The following SHISAL1 variants were observed in gnomAD, a reference collection of about 807,000 sequenced individuals.
The protein encoded by SHISAL1 is shisa like 1, also known as protein shisa-like-1.
Under a neutral mutation model 22.6 loss-of-function variants are expected in SHISAL1, and 9 were observed. That is an observed-to-expected ratio of 0.40 (90% CI 0.24 to 0.70). The LOEUF is 0.70. SHISAL1 is among the 30% of genes least tolerant of loss of function. SHISAL1 has a pLI of 0.39. For synonymous variants in SHISAL1, 119 were observed against 115.4 expected, an observed-to-expected ratio of 1.03 and a Z score of -0.20; for missense variants, 246 against 270.6, an observed-to-expected ratio of 0.91 and a Z score of 0.64.
At chr22:44,284,857 C>A (rs1218775997) in intron 4 of SHISAL1, among the ~76,000 whole-genome samples, 1 of 139,156 alleles carries the variant, frequency 7.2e-6, no homozygotes, top group African/African-American at 2.9e-5. Context: ...GCAGCCACCC[C>A]ACAAGGCCAA....
At chr22:44,322,366 C>G in the SHISAL1 span, among the ~76,000 whole-genome samples, 6 of 152,326 alleles carry the variant, frequency 3.9e-5, no homozygotes, top group African/African-American at 1.4e-4. Context: ...TGCTGCCTCA[C>G]TGCCCCAGGT....
At chr22:44,277,797 A>G (rs965401814) in intron 4 of SHISAL1, among the ~76,000 whole-genome samples, 6 of 152,200 alleles carry the variant, frequency 3.9e-5, no homozygotes, top group Non-Finnish European at 7.3e-5. Context: ...TAGCACAGCC[A>G]TTGCAGGGTG....
Position 44,244,432 on chromosome 22 carries a change from GC to G in SHISAL1, c.*5252del, listed in dbSNP as rs1367231398. The stretch of plus-strand genomic sequence containing the variant: ...CCTCCTGGAGGTGAACCCTGCAGCA[GC>G]CCCGGATTTCAGTCTGTCAAGGGCA... On this transcript the variant is annotated 3_prime_UTR_variant, in exon 5 of 5. Coordinates refer to ENST00000381176, the MANE Select transcript of SHISAL1 (RefSeq NM_001099294.2). 1.3e-5 allele frequency: 2 copies of G among 152,180 alleles called. No homozygotes were observed. The highest frequency in any genetic ancestry group is 2.9e-5 in the Non-Finnish European group (2 of 68,054). The allele number at this position is 152,180 out of a possible 1,614,324, so 9.4% of individuals were successfully genotyped here.
Position 44,306,026 on chromosome 22 carries a change from G to T in SHISAL1, c.-32-5049C>A, listed in dbSNP as rs76267418. Among the ~76,000 whole-genome samples the T allele has an allele frequency of 4.9e-3, 743 of 152,330 alleles. 3 individuals are homozygous for T. Among genetic ancestry groups the T allele is most frequent in the Admixed American group, 9.3e-3 (143 of 15,302 alleles). ...CCTAAGTAAAAATTCCATTTCTAAT[G>T]ATCTGAGACAGCAAAGCTTAGAAGC... On this transcript the variant is annotated intron_variant, in intron 1 of 4. Transcript: ENST00000381176.
the SHISAL1 span, among the ~76,000 whole-genome samples, chr22:44,331,106 G>C: frequency 6.6e-6 from 1 of 151,984 alleles, no homozygotes; most frequent in Non-Finnish European, 1.5e-5. This position sits in a 1 kb window ranked among gnomAD's most constrained non-coding sequence, Gnocchi z 5.2. Context: ...TCCCGGCGCG[G>C]TGCGCCCCGA....
At chr22:44,300,102 GAGAC>G (rs1285909154) in intron 2 of SHISAL1, among the ~76,000 whole-genome samples, 9 of 149,660 alleles carry the variant, frequency 6.0e-5, no homozygotes, top group East Asian at 1.9e-4. Context: ...CAGACACAGA[GAGAC>G]AGACAGAGAG....
At position 44,296,720 on chromosome 22, in the gene SHISAL1, G is replaced by A. The variant is rs1332057185; in HGVS notation, c.233C>T (p.Ala78Val). ...KYCCNETEFQ[A>V]VMQANLTASS... ...GGCCGTGAGGTTCGCCTGCATCACC[G>A]CCTGGAACTCCGTCTCGTTGCAGCA... Residue 78 changes from alanine (A) to valine (V), a missense_variant, in exon 3 of 5, where the codon GCG (alanine) becomes GTG (valine). Ala to Val is a moderately conservative substitution (Grantham distance 64, BLOSUM62 0). Around this residue, in one of 2 missense-constraint regions of SHISAL1, gnomAD observed 110 missense variants for 153.1 expected, o/e 0.72. Coordinates refer to ENST00000381176, the MANE Select transcript of SHISAL1 (RefSeq NM_001099294.2). 3.7e-6 allele frequency: 6 copies of A among 1,613,966 alleles called. No individual in the cohort carries two copies. Among genetic ancestry groups the A allele is most frequent in the Middle Eastern group, 1.7e-4 (1 of 5,986 alleles).
intron 4 of SHISAL1, among the ~76,000 whole-genome samples, chr22:44,261,675 C>T (rs1219267050): frequency 6.6e-6 from 1 of 152,268 alleles, no homozygotes; most frequent in Non-Finnish European, 1.5e-5. Flanking sequence ...ATTGCACAGC[C>T]TTCTGGAAGG....
At chr22:44,324,917 G>T in the SHISAL1 span, among the ~76,000 whole-genome samples, 2 of 152,152 alleles carry the variant, frequency 1.3e-5, no homozygotes, top group African/African-American at 4.8e-5. Context: ...CCAGCCCAGC[G>T]CCCAGAAGCT....
chr22:44,331,284 C>A, the SHISAL1 span, among the ~76,000 whole-genome samples: 4 of 151,696 alleles, frequency 2.6e-5, no homozygotes, highest in East Asian at 5.9e-4. This position sits in a 1 kb window ranked among gnomAD's most constrained non-coding sequence, Gnocchi z 5.2. Context: ...CCCGGACCCC[C>A]GTCATATGCC....
At chr22:44,283,821 T>C (rs1460461575) in intron 4 of SHISAL1, among the ~76,000 whole-genome samples, 2 of 152,206 alleles carry the variant, frequency 1.3e-5, no homozygotes, top group Non-Finnish European at 1.5e-5. Context: ...CCCTCAGAGA[T>C]GCCTGGTCAG....
At chr22:44,284,897 G>GCCTGCCTGCCTGCCTTCCTTCGTT (rs570595554) in intron 4 of SHISAL1, among the ~76,000 whole-genome samples, 2 of 134,504 alleles carry the variant, frequency 1.5e-5, no homozygotes, top group African/African-American at 3.0e-5. Context: ...CTGCCTTCCT[G>GCCTGCCTGCCTGCCTTCCTTCGTT]CCTTCCTTCC....
rs1030922572 is a variant in SHISAL1, at chr22:44,296,573, C to T, written c.281+99G>A. 1.3e-4 allele frequency: 130 copies of T among 1,001,952 alleles called. 1 individual carries two copies. The highest frequency in any genetic ancestry group is 2.8e-4 in the East Asian group (11 of 39,328). 62.1% of individuals were successfully genotyped at this position (1,001,952 alleles called of 1,614,324 possible). On this transcript the variant is annotated intron_variant, in intron 3 of 4. Transcript: ENST00000381176. ...CTTCCAGGCCCACCCAACCTTATAG[C>T]GGTTACCCAACCGCCTCCCTAGGGG...
In SHISAL1 at chr22:44,299,083, G is replaced by A. The variant is rs117769714; in HGVS notation, c.67+1796C>T. Among the ~76,000 whole-genome samples the A allele has an allele frequency of 1.2e-3, 188 of 152,306 alleles. 4 individuals are homozygous for A. The East Asian group carries it at 0.032, about 26-fold the overall frequency. On this transcript the variant is annotated intron_variant, in intron 2 of 4. Coordinates refer to ENST00000381176, the MANE Select transcript of SHISAL1 (RefSeq NM_001099294.2). ...AGGAGCGTTTTGTAAACAGCAAGGCGCAGCCCCCACCTAGAGAAAGAGGCT... is the reference window on the plus strand; with the variant it reads ...AGGAGCGTTTTGTAAACAGCAAGGCACAGCCCCCACCTAGAGAAAGAGGCT...
the SHISAL1 span, among the ~76,000 whole-genome samples, chr22:44,327,144 TCACAG>T: frequency 6.6e-6 from 1 of 151,844 alleles, no homozygotes; most frequent in African/African-American, 2.4e-5. Context: ...CCTCTCCCCA[TCACAG>T]CACAGCACAC....
At chr22:44,260,725 G>T (rs1353685948) in intron 4 of SHISAL1, among the ~76,000 whole-genome samples, 1 of 152,242 alleles carries the variant, frequency 6.6e-6, no homozygotes, top group Non-Finnish European at 1.5e-5. Context: ...AGGGATAAGG[G>T]TGGCAGCAGC....
chr22:44,267,191 C>T (rs927118969), intron 4 of SHISAL1, among the ~76,000 whole-genome samples: 22 of 152,116 alleles, frequency 1.4e-4, no homozygotes, highest in African/African-American at 4.6e-4. Flanking sequence ...GATCCTCTCG[C>T]GGCTTCCAGA....
chr22:44,315,534 C>G (rs1800105490), upstream of SHISAL1, among the ~76,000 whole-genome samples: 1 of 152,112 alleles, frequency 6.6e-6, no homozygotes, highest in African/African-American at 2.4e-5. Flanking sequence ...CTTTGAGACC[C>G]TCCCAGTTAT....
intron 2 of SHISAL1, among the ~76,000 whole-genome samples, chr22:44,297,088 A>C (rs1157614793): frequency 6.6e-6 from 1 of 152,188 alleles, no homozygotes; most frequent in Non-Finnish European, 1.5e-5. Context: ...TGTCACCCAG[A>C]CTGGCTGGTC....
Sources: gnomAD v4.1 joint callset for allele counts (sites outside exome capture counted in the v4.1 genomes callset) on GRCh38, gnomAD v4.1.1 for gene constraint, gnomAD v4.1.1 regional missense constraint, Gnocchi (gnomAD v3.1) non-coding constraint, MANE v1.5 for transcripts, NCBI Gene and HGNC (gene_info 2026-07-23, HGNC 2026-07-21) for gene names.